The following PANK2 variants were observed in gnomAD, a reference collection of about 807,000 sequenced individuals.
The protein encoded by PANK2 is pantothenate kinase 2.
A neutral mutation model predicts 43.1 loss-of-function variants in PANK2; 36 were observed. That is an observed-to-expected ratio of 0.84 (90% confidence interval 0.64 to 1.10). The LOEUF is 1.10. Among genes scored for constraint, PANK2 ranks in the 50% least tolerant of loss-of-function variants. The pLI is 0.00. For missense variants in PANK2, 576 were observed against 593.3 expected (o/e 0.97, Z 0.30); for synonymous variants, 281 against 238.2 (o/e 1.18, Z -1.66).
chr20:3,889,796 C>T (rs1177228694), intron 1 of PANK2, 68 bp downstream of exon 1: 8 of 1,546,348 alleles, frequency 5.2e-6, no homozygotes, highest in South Asian at 3.5e-5. Context: ...TGTCCCCTTC[C>T]GGCCCCGCCG....
chr20:3,896,666 T>C (rs1278510905), intron 1 of PANK2, among the ~76,000 whole-genome samples: 1 of 152,034 alleles, frequency 6.6e-6, no homozygotes, highest in Non-Finnish European at 1.5e-5. Flanking sequence ...CAATTATACC[T>C]ACTAATGAAG....
In PANK2 at chr20:3,895,038, G is replaced by A. The variant is rs140482689; in HGVS notation, c.298+5310G>A. ...TCATTTCTGTAATCCTAGCACTGTA[G>A]GAGGCTGAGGTGGGAAGATCACTTG... On this transcript the variant is annotated intron_variant, in intron 1 of 6. Coordinates refer to ENST00000610179, the MANE Select transcript of PANK2 (RefSeq NM_001386393.1). Among the ~76,000 whole-genome samples, 368 of 152,256 alleles carry A rather than the reference G, an allele frequency of 2.4e-3. 1 individual carries two copies. Among genetic ancestry groups the A allele is most frequent in the Middle Eastern group, 0.01 (3 of 294 alleles).
chr20:3,910,330 T>G (rs890539467), intron 2 of PANK2, among the ~76,000 whole-genome samples: 2 of 150,624 alleles, frequency 1.3e-5, no homozygotes, highest in Admixed American at 6.6e-5. Context: ...TTTTTTTTGG[T>G]CACACTTATT....
At chr20:3,918,563 A>T (rs978870965) in intron 5 of PANK2, 108 bp from the exon 6 acceptor site, 1 of 1,455,732 alleles carries the variant, frequency 6.9e-7, no homozygotes, top group African/African-American at 1.4e-5. Context: ...TTTGATCAGC[A>T]GTCAAATTGT....
At position 3,889,466 on chromosome 20, in the gene PANK2, G is replaced by C; in HGVS notation, c.36G>C (p.Leu12=). 8.5e-6 allele frequency: 13 copies of C among 1,536,378 alleles called. No homozygotes were observed. Among genetic ancestry groups the C allele is most frequent in the Non-Finnish European group, 1.1e-5 (13 of 1,148,932 alleles). Residue 12 remains leucine, a synonymous_variant, in exon 1 of 7, where the codon CTG becomes CTC. Coordinates refer to ENST00000610179, the MANE Select transcript of PANK2 (RefSeq NM_001386393.1). ...TGCTCGGGCGGCAGCGACTGCTGCT[G>C]CGGATGGGAGGGGGCCGGCTCGGCG...
chr20:3,894,058 A>G (rs2090166212), intron 1 of PANK2, among the ~76,000 whole-genome samples: 1 of 151,272 alleles, frequency 6.6e-6, no homozygotes, highest in Non-Finnish European at 1.5e-5. Context: ...CAGACTCGCA[A>G]GTAGCTGGGA....
chr20:3,893,387 T>C (rs1052353572), intron 1 of PANK2, among the ~76,000 whole-genome samples: 1 of 152,222 alleles, frequency 6.6e-6, no homozygotes, highest in Non-Finnish European at 1.5e-5. Context: ...TCTAAAATTA[T>C]ATTTTAAATT....
chr20:3,903,016 C>CT (rs2090328300), intron 1 of PANK2, among the ~76,000 whole-genome samples: 1 of 141,448 alleles, frequency 7.1e-6, no homozygotes, highest in African/African-American at 2.6e-5. Flanking sequence ...CACACACACA[C>CT]ACCCCTTTTA....
Position 3,923,289 on chromosome 20 carries a change from C to T in PANK2, c.1378C>T (p.Pro460Ser). 6.2e-7 allele frequency: 1 copy of T among 1,614,038 alleles called. No individual in the cohort carries two copies. ...AGCACTCCTTGAGCTGTTGAAGATCCCGTGATCATTACCTGGGGAGGGGTT... is the reference window on the plus strand; with the variant it reads ...AGCACTCCTTGAGCTGTTGAAGATCTCGTGATCATTACCTGGGGAGGGGTT... Residue 460 changes from proline (P) to serine (S), a missense_variant, in exon 7 of 7, where the codon CCG becomes TCG. Pro to Ser is a moderately conservative substitution (Grantham distance 74). Transcript: ENST00000610179.
intron 1 of PANK2, chr20:3,901,481 A>G (rs931881657): frequency 2.4e-6 from 1 of 422,312 alleles, no homozygotes; most frequent in Non-Finnish European, 3.2e-6. Context: ...GACACATTTA[A>G]ACTATCACTT....
Position 3,918,729 on chromosome 20 carries a change from G to A in PANK2, c.1265G>A (p.Arg422Gln), listed in dbSNP as rs371369186. 83 of 1,614,174 alleles carry A rather than the reference G, an allele frequency of 5.1e-5. No individual in the cohort carries two copies. The African/African-American group carries it at 8.4e-4, about 16-fold the overall frequency. The change falls in exon 6 of 7, where the codon CGG becomes CAG. Residue 422 changes from arginine to glutamine, a missense_variant. Physicochemically the swap from Arg to Gln is conservative, Grantham distance 43 (BLOSUM62 1). This residue lies in a region of PANK2 where 32 missense variants were observed against 64.3 expected (regional missense o/e 0.50). Coordinates refer to ENST00000610179, the MANE Select transcript of PANK2 (RefSeq NM_001386393.1). ...TTGAGAATTAATACGATCGCCATGC[G>A]GCTTTTGGCATATGCTTTGGATTAT...
intron 3 of PANK2, among the ~76,000 whole-genome samples, 176 bp from the exon 4 acceptor site, chr20:3,912,282 A>T (rs2090479675): frequency 6.6e-6 from 1 of 152,188 alleles, no homozygotes; most frequent in Non-Finnish European, 1.5e-5. Flanking sequence ...TCACATGCAT[A>T]TGTACCTTAA....
Position 3,918,762 on chromosome 20 carries a change from A to C in PANK2, c.1298A>C (p.Lys433Thr), listed in dbSNP as rs748120963. 6.2e-7 allele frequency: 1 copy of C among 1,614,252 alleles called. No individual in the cohort carries two copies. Among genetic ancestry groups the C allele is most frequent in the Non-Finnish European group, 8.5e-7 (1 of 1,180,050 alleles). ...GCATATGCTTTGGATTATTGGTCCA[A>C]GGGGCAGTTGAAAGCACTTTTTTCG... The change falls in exon 6 of 7, where the codon AAG (lysine) becomes ACG (threonine). Residue 433 changes from lysine to threonine, a missense_variant. By Grantham distance (78) the Lys-to-Thr change is moderately conservative (BLOSUM62 -1). Transcript: ENST00000610179.
upstream of PANK2, chr20:3,889,139 G>A: frequency 1.3e-6 from 2 of 1,567,508 alleles, no homozygotes; most frequent in Non-Finnish European, 8.7e-7. Flanking sequence ...GCGTCCATTG[G>A]GCGGCGCCGC....
At position 3,927,005 on chromosome 20, in the gene PANK2, A is replaced by G. The variant is rs1166271176; in HGVS notation, c.*3711A>G. The G allele has an allele frequency of 6.5e-6, 1 of 153,362 alleles. No homozygotes were observed. Among genetic ancestry groups the G allele is most frequent in the African/African-American group, 2.4e-5 (1 of 41,166 alleles). The allele number at this position is 153,362 out of a possible 1,614,324, so 9.5% of individuals were successfully genotyped here. On this transcript the variant is annotated 3_prime_UTR_variant, in exon 7 of 7. Transcript: ENST00000610179. ...CCTGGTGCTGGCGTTCACGTGGAAG[A>G]CTGCTTATCTGTATCCAGCTGTTTG...
chr20:3,905,245 TTC>T (rs2146852001), intron 1 of PANK2, among the ~76,000 whole-genome samples: 1 of 152,166 alleles, frequency 6.6e-6, no homozygotes, highest in Non-Finnish European at 1.5e-5. Context: ...TACCCCTACG[TTC>T]TCTCTCTCAC....
chr20:3,899,065 G>A (rs1223974260), intron 1 of PANK2, among the ~76,000 whole-genome samples: 3 of 151,790 alleles, frequency 2.0e-5, no homozygotes, highest in Non-Finnish European at 2.9e-5. Flanking sequence ...TAGTAGAGAC[G>A]GGGTTTCACC....
At position 3,924,377 on chromosome 20, in the gene PANK2, C is replaced by T. The variant is rs2146907185; in HGVS notation, c.*1083C>T. On this transcript the variant is annotated 3_prime_UTR_variant, in exon 7 of 7. Transcript: ENST00000610179. The stretch of plus-strand genomic sequence containing the variant: ...TGGACCAGGAGGGAAAACCCCAAGG[C>T]TCTGCAGCCTCCCTGCTCCCCTCCG... 6.6e-6 allele frequency: 1 copy of T among 152,390 alleles called. No individual in the cohort carries two copies. Among genetic ancestry groups the T allele is most frequent in the Non-Finnish European group, 1.5e-5 (1 of 68,096 alleles). The allele number at this position is 152,390 out of a possible 1,614,324, so 9.4% of individuals were successfully genotyped here.
chr20:3,891,380 C>T (rs2146811752), intron 1 of PANK2: 1 of 152,206 alleles, frequency 6.6e-6, no homozygotes, highest in East Asian at 1.9e-4. Context: ...CTACTAAGAG[C>T]TTTGGTAACT....
Sources: allele counts gnomAD v4.1 joint callset (sites outside exome capture counted in the v4.1 genomes callset), GRCh38; gene constraint gnomAD v4.1.1; regional missense constraint gnomAD v4.1.1; transcripts MANE v1.5; gene names NCBI Gene and HGNC (gene_info 2026-07-23, HGNC 2026-07-21).